Variants in BRD4 observed in about 807,000 individuals in gnomAD.
BRD4 encodes the protein bromodomain containing 4.
Under a neutral mutation model 142.1 loss-of-function variants are expected in BRD4, and 16 were observed. The observed-to-expected ratio is 0.11, with a 90% CI of 0.08 to 0.17. The LOEUF is 0.17. Among genes scored for constraint, BRD4 ranks in the 10% least tolerant of loss-of-function variants. The pLI is 1.00. For synonymous variants in BRD4, 833 were observed against 707.5 expected (o/e 1.18, Z -2.82); for missense variants, 1,424 against 1,810.9 (o/e 0.79, Z 3.88).
rs142374874 is a variant in BRD4, at chr19:15,241,264, CAT to C, written c.3170-1244_3170-1243del. On this transcript the variant is annotated intron_variant, in intron 14 of 19. Coordinates refer to ENST00000679869, the MANE Select transcript of BRD4 (RefSeq NM_001379291.1). ...CTGGCCTGCCAGGGATCCACAGGCACATGACTGCAACAGCCTCCCACCCAACT... is the reference window on the plus strand; with the variant it reads ...CTGGCCTGCCAGGGATCCACAGGCACGACTGCAACAGCCTCCCACCCAACT... Among the ~76,000 whole-genome samples, 850 of 152,386 alleles carry C rather than the reference CAT, an allele frequency of 5.6e-3. 5 individuals are homozygous for C. Among genetic ancestry groups the C allele is most frequent in the Admixed American group, 0.015 (236 of 15,306 alleles).
intron 1 of BRD4, among the ~76,000 whole-genome samples, chr19:15,322,430 C>A (rs975433489): frequency 2.0e-5 from 3 of 152,026 alleles, no homozygotes; most frequent in Non-Finnish European, 4.4e-5. Flanking sequence ...ACAAAGAAAG[C>A]CAGGCGCAGT....
intron 1 of BRD4, among the ~76,000 whole-genome samples, chr19:15,292,777 CAAAAAAAAAAAAAAAAAAAAAAAA>C (rs57341445): frequency 3.3e-4 from 19 of 57,256 alleles, no homozygotes; most frequent in Admixed American, 1.6e-3. Flanking sequence ...GACTCCGTCT[CAAAAAAAAAAAAAAAAAAAAAAAA>C]AAAAAAAAAA....
At chr19:15,280,564 T>A in intron 1 of BRD4, 1 of 574,900 alleles carries the variant, frequency 1.7e-6, no homozygotes, top group Non-Finnish European at 2.2e-6. Flanking sequence ...ACCACTGTGC[T>A]GAAGTCATGA....
chr19:15,297,039 G>A (rs2047828889), intron 1 of BRD4, among the ~76,000 whole-genome samples: 1 of 152,186 alleles, frequency 6.6e-6, no homozygotes, highest in Non-Finnish European at 1.5e-5. Flanking sequence ...CTTCTAGGTG[G>A]ATTTCGTAAC....
chr19:15,296,914 G>A (rs1373463206), intron 1 of BRD4, among the ~76,000 whole-genome samples: 1 of 148,254 alleles, frequency 6.7e-6, no homozygotes, highest in Admixed American at 6.7e-5. Context: ...AGTAGGCTCT[G>A]ACGGCAGAAG....
rs556929403 is a variant in BRD4 at position 15,236,299 on chromosome 19, A to G, written c.*2078T>C. The G allele has an allele frequency of 2.0e-5, 3 of 152,304 alleles. No individual in the cohort carries two copies. In the East Asian group the frequency reaches 5.8e-4, roughly 29 times the overall value. 9.4% of individuals were successfully genotyped at this position (152,304 alleles called of 1,614,324 possible). ...CCTTGTGGCTGGGGCATGTACATAC[A>G]CAAGTGGACACACAGGCAGAGCAGC... On this transcript the variant is annotated 3_prime_UTR_variant, in exon 20 of 20. Coordinates refer to ENST00000679869, the MANE Select transcript of BRD4 (RefSeq NM_001379291.1).
chr19:15,332,355 G>C lies in BRD4; in HGVS notation c.-100C>G, dbSNP rs1428299262. On this transcript the variant is annotated 5_prime_UTR_variant, in exon 1 of 20. Coordinates refer to ENST00000679869, the MANE Select transcript of BRD4 (RefSeq NM_001379291.1). ...CCCGCTGCCGCCGCCCCCTCCCCGA[G>C]CTGCCTGCGCGGCGCCGGGGCCCGC... The C allele has an allele frequency of 1.4e-5, 2 of 144,542 alleles. No homozygotes were observed. Among genetic ancestry groups the C allele is most frequent in the African/African-American group, 2.5e-5 (1 of 39,896 alleles). 9.0% of individuals were successfully genotyped at this position (144,542 alleles called of 1,614,324 possible).
intron 1 of BRD4, among the ~76,000 whole-genome samples, chr19:15,282,636 T>C (rs138390688): frequency 1.3e-5 from 2 of 152,356 alleles, no homozygotes; most frequent in East Asian, 1.9e-4. Flanking sequence ...ATTCAAGCTA[T>C]GCATTCCCAC....
At chr19:15,322,285 C>G (rs2048068081) in intron 1 of BRD4, among the ~76,000 whole-genome samples, 1 of 151,892 alleles carries the variant, frequency 6.6e-6, no homozygotes, top group African/African-American at 2.4e-5. Flanking sequence ...GTTTTGTTTT[C>G]TTCTGAGATG....
intron 8 of BRD4, among the ~76,000 whole-genome samples, chr19:15,256,581 AGT>A: frequency 6.6e-6 from 1 of 152,246 alleles, no homozygotes; most frequent in Non-Finnish European, 1.5e-5. Flanking sequence ...TAAGAATCTA[AGT>A]AAGAGCACAC....
chr19:15,275,783 G>A (rs1029473341), intron 1 of BRD4: 11 of 152,126 alleles, frequency 7.2e-5, no homozygotes, highest in African/African-American at 2.7e-4. Flanking sequence ...AAGAAGGGTG[G>A]GTCACTTGAG....
At chr19:15,321,554 G>A (rs1484777805) in intron 1 of BRD4, among the ~76,000 whole-genome samples, 1 of 151,892 alleles carries the variant, frequency 6.6e-6, no homozygotes, top group East Asian at 1.9e-4. Context: ...TTGACCTTGA[G>A]GTCAGAACAT....
rs1416860334 is a variant in BRD4 at position 15,239,450 on chromosome 19, C to T, written c.3518G>A (p.Gly1173Glu). The T allele has an allele frequency of 1.2e-6, 2 of 1,614,006 alleles. No individual in the cohort carries two copies. The highest frequency in any genetic ancestry group is 2.7e-5 in the African/African-American group (2 of 74,912). Reference protein sequence around the residue: ...RPPEQNAPPPGAPDKDKQKQE... With the variant: ...RPPEQNAPPPEAPDKDKQKQE... Reference sequence around the variant, plus strand: ...TTTCTGTTTGTCCTTGTCAGGGGCCCCTGGTGGCGGTGCGTTCTGCTCTGG... The same window carrying T: ...TTTCTGTTTGTCCTTGTCAGGGGCCTCTGGTGGCGGTGCGTTCTGCTCTGG... The change falls in exon 17 of 20, where the codon GGG (glycine) becomes GAG (glutamate). Residue 1173 changes from glycine (G) to glutamate (E), a missense_variant. Gly to Glu is a moderately conservative substitution (Grantham distance 98). This residue lies in a region of BRD4 where 598 missense variants were observed against 647.8 expected (regional missense o/e 0.92). Transcript: ENST00000679869. The surrounding 1 kb of genome is among the most constrained non-coding windows in gnomAD (Gnocchi z 7.4).
intron 1 of BRD4, among the ~76,000 whole-genome samples, chr19:15,283,805 G>A (rs2047721947): frequency 6.6e-6 from 1 of 152,170 alleles, no homozygotes; most frequent in African/African-American, 2.4e-5. Flanking sequence ...GCTGACTCAA[G>A]GTGTCCCTGG....
In BRD4 at chr19:15,329,324, A is replaced by C. The variant is rs191753308; in HGVS notation, c.-35+2966T>G. 1.6e-4 allele frequency among the ~76,000 whole-genome samples: 25 copies of C among 152,336 alleles called. 1 individual carries two copies. Among genetic ancestry groups the C allele is most frequent in the Admixed American group, 1.6e-3 (24 of 15,294 alleles). On this transcript the variant is annotated intron_variant, in intron 1 of 19. Transcript: ENST00000679869. ...CATGGTCTACTCTACAAGTTTATTC[A>C]AAATCAGAAACCAAAACATTTTACA... is the stretch of plus-strand genomic sequence containing the variant.
At chr19:15,287,955 G>C (rs1226854054) in intron 1 of BRD4, among the ~76,000 whole-genome samples, 1 of 151,878 alleles carries the variant, frequency 6.6e-6, no homozygotes, top group Admixed American at 6.6e-5. Flanking sequence ...TTTTAGTAGG[G>C]ACTGGGTTTC....
intron 3 of BRD4, 30 bp from the exon 4 acceptor site, chr19:15,267,581 G>C: frequency 6.2e-7 from 1 of 1,607,702 alleles, no homozygotes; most frequent in Non-Finnish European, 8.5e-7. Flanking sequence ...GGTAGAGTCA[G>C]AGGGCCCTCC....
At position 15,238,406 on chromosome 19, in the gene BRD4, A is replaced by G. The variant is rs566960746; in HGVS notation, c.4060T>C (p.Leu1354=). 6.2e-7 allele frequency: 1 copy of G among 1,614,166 alleles called. No homozygotes were observed. Among genetic ancestry groups the G allele is most frequent in the East Asian group, 2.2e-5 (1 of 44,880 alleles). ...AAAAGATTTTCTTCAAATATTGACAATAGATCACTCTGGAAATTCATGTCA... is the reference window on the plus strand; with the variant it reads ...AAAAGATTTTCTTCAAATATTGACAGTAGATCACTCTGGAAATTCATGTCA... The part of the protein sequence containing the change: ...TIDMNFQSDL[L]SIFEENLF Residue 1354 remains leucine, a synonymous_variant, in exon 20 of 20, where the codon TTG becomes CTG. Transcript: ENST00000679869. The surrounding 1 kb of genome is among the most constrained non-coding windows in gnomAD (Gnocchi z 7.2).
chr19:15,329,136 G>A (rs2048135356), intron 1 of BRD4, among the ~76,000 whole-genome samples: 1 of 150,930 alleles, frequency 6.6e-6, no homozygotes, highest in Admixed American at 6.6e-5. Flanking sequence ...CATCTCTTAT[G>A]TATTAAATGT....
Sources: gnomAD v4.1 joint callset for allele counts (sites outside exome capture counted in the v4.1 genomes callset) on GRCh38, gnomAD v4.1.1 for gene constraint, gnomAD v4.1.1 regional missense constraint, Gnocchi (gnomAD v3.1) non-coding constraint, MANE v1.5 for transcripts, NCBI Gene and HGNC (gene_info 2026-07-23, HGNC 2026-07-21) for gene names.